The following PIH1D1 variants were observed in gnomAD, a reference collection of about 807,000 sequenced individuals.
The protein encoded by PIH1D1 is PIH1 domain containing 1.
In PIH1D1, 28 loss-of-function variants were observed where a neutral mutation model predicts 38.5. The observed-to-expected ratio is 0.73, with a 90% CI of 0.54 to 1.00. The LOEUF (loss-of-function observed/expected upper bound fraction) is 1.00, where lower values mean the gene tolerates loss of function less well. Ranked by LOEUF, PIH1D1 falls within the 50% of genes least tolerant of loss-of-function variation. The pLI, the probability that PIH1D1 is intolerant of heterozygous loss-of-function variation, is 0.00. For missense variants in PIH1D1, 343 were observed against 369.9 expected, an observed-to-expected ratio of 0.93 and a Z score of 0.60; for synonymous variants, 155 against 153.5, an observed-to-expected ratio of 1.01 and a Z score of -0.07.
rs746652846 is a variant in PIH1D1, at chr19:49,448,043, G to C, written c.357C>G (p.Ala119=). The change falls in exon 4 of 9, where the codon GCC becomes GCG. Residue 119 remains alanine, a synonymous_variant. Transcript: ENST00000262265. ...ELDAKGQGCT[A]YDVAVNSDFY... is the part of the protein sequence containing the mutation. ...AGTCGCTGTTGACAGCTACGTCGTA[G>C]GCGGTACATCCCTGGCCTTCTGCGG... The C allele has an allele frequency of 1.9e-6, 3 of 1,614,116 alleles. No homozygotes were observed. Among genetic ancestry groups the C allele is most frequent in the African/African-American group, 2.7e-5 (2 of 74,936 alleles).
chr19:49,449,792 CTCTTTTTT>C (rs1295181312), intron 2 of PIH1D1, 138 bp from the exon 3 acceptor site: 19 of 549,674 alleles, frequency 3.5e-5, no homozygotes, highest in Non-Finnish European at 5.2e-5. Context: ...TCCCTCACTT[CTCTTTTTT>C]TTTTTTTTTT....
intron 7 of PIH1D1, 86 bp from the exon 8 acceptor site, chr19:49,446,780 C>G: frequency 7.2e-7 from 1 of 1,394,774 alleles, no homozygotes; most frequent in Non-Finnish European, 9.8e-7. Context: ...CGCTGGGAAA[C>G]TATATTTGAA....
At position 49,447,996 on chromosome 19, in the gene PIH1D1, C is replaced by T; in HGVS notation, c.399+5G>A. ...CCAGGCCTCAACCGCAGCCCCGCCC[C>T]CAACCTGCATCCTCCGGTAGAAGTC... On this transcript the variant is annotated splice_donor_5th_base_variant and intron_variant, in intron 4 of 8. Transcript: ENST00000262265. 1 of 1,614,202 alleles carries T rather than the reference C, an allele frequency of 6.2e-7. No homozygotes were observed. Among genetic ancestry groups the T allele is most frequent in the Non-Finnish European group, 8.5e-7 (1 of 1,180,022 alleles).
At chr19:49,446,902 C>T in intron 7 of PIH1D1, 122 bp downstream of exon 7, 1 of 1,106,990 alleles carries the variant, frequency 9.0e-7, no homozygotes, top group Non-Finnish European at 1.4e-6. Flanking sequence ...GCCTGTGGGC[C>T]TCCTGGCAGA....
chr19:49,450,893 A>AAT (rs1293370770), intron 1 of PIH1D1, 45 bp from the exon 2 acceptor site: 21 of 1,613,436 alleles, frequency 1.3e-5, no homozygotes, highest in Non-Finnish European at 1.8e-5. Flanking sequence ...CTGTGCCATC[A>AAT]GACCCCTCAT....
At position 49,447,331 on chromosome 19, in the gene PIH1D1, G is replaced by A. The variant is rs1396017913; in HGVS notation, c.611+7C>T. The A allele has an allele frequency of 6.2e-7, 1 of 1,613,900 alleles. No individual in the cohort carries two copies. The highest frequency in any genetic ancestry group is 8.5e-7 in the Non-Finnish European group (1 of 1,179,944). On this transcript the variant is annotated splice_region_variant and intron_variant, in intron 6 of 8. Transcript: ENST00000262265. ...AACATCAGACCGGGGATCTACCGAA[G>A]GCCCACCCTGACTCAGCTCTCCCGG...
chr19:49,451,484 C>G lies in PIH1D1; in HGVS notation c.90+1G>C, dbSNP rs1420749276. On this transcript the variant is annotated splice_donor_variant, in intron 1 of 8. Coordinates refer to ENST00000262265, the MANE Select transcript of PIH1D1 (RefSeq NM_017916.3). LOFTEE classifies it high-confidence loss of function. ...AGGATCCAGGGGTCCGGTCACTGCACCTGCAGCAGCAGCTCCTCAAATCGC... is the reference window on the plus strand; with the variant it reads ...AGGATCCAGGGGTCCGGTCACTGCAGCTGCAGCAGCAGCTCCTCAAATCGC... 1 of 1,613,778 alleles carries G rather than the reference C, an allele frequency of 6.2e-7. No homozygotes were observed. The highest frequency in any genetic ancestry group is 8.5e-7 in the Non-Finnish European group (1 of 1,179,964).
chr19:49,446,748 G>T, intron 7 of PIH1D1, 54 bp from the exon 8 acceptor site: 1 of 1,508,910 alleles, frequency 6.6e-7, no homozygotes, highest in Non-Finnish European at 8.9e-7. Context: ...TGATCACCTG[G>T]ACCAGGCATG....
chr19:49,447,166 TC>T, intron 6 of PIH1D1, 67 bp from the exon 7 acceptor site: 1 of 1,500,194 alleles, frequency 6.7e-7, no homozygotes, highest in South Asian at 1.2e-5. Flanking sequence ...CTGTCCCTTT[TC>T]TCCCTCCAAC....
intron 7 of PIH1D1, 105 bp downstream of exon 7, chr19:49,446,919 G>A (rs1255392065): frequency 1.2e-5 from 14 of 1,157,154 alleles, no homozygotes; most frequent in Admixed American, 1.9e-5. Context: ...CAGAGAGGAC[G>A]CAACTGACAA....
chr19:49,451,440 CA>C, intron 1 of PIH1D1, 44 bp downstream of exon 1: 1 of 1,612,272 alleles, frequency 6.2e-7, no homozygotes. Context: ...AGCACCCCGC[CA>C]AAATCCCCGA....
chr19:49,447,488 C>T, intron 5 of PIH1D1, 21 bp from the exon 6 acceptor site: 1 of 1,604,780 alleles, frequency 6.2e-7, no homozygotes, highest in Non-Finnish European at 8.5e-7. Context: ...GGAGCGCCGT[C>T]AAACATCGTA....
chr19:49,450,690 CCTAG>C, intron 2 of PIH1D1, 88 bp downstream of exon 2: 1 of 690,734 alleles, frequency 1.4e-6, no homozygotes, highest in Non-Finnish European at 2.3e-6. Context: ...CCACCCCCAC[CCTAG>C]GCCTTTATTT....
In PIH1D1 at chr19:49,451,604, G is replaced by A; in HGVS notation, c.-30C>T. On this transcript the variant is annotated 5_prime_UTR_variant, in exon 1 of 9. Transcript: ENST00000262265. The stretch of plus-strand genomic sequence containing the variant: ...CTGGGAAAGAGATCTAGGCGTCCTC[G>A]AGACCCTCAACGTGGGAAACTTTGC... 2 of 1,609,902 alleles carry A rather than the reference G, an allele frequency of 1.2e-6. No homozygotes were observed. The highest frequency in any genetic ancestry group is 1.7e-6 in the Non-Finnish European group (2 of 1,179,492).
chr19:49,450,786 C>A lies in PIH1D1; in HGVS notation c.153G>T (p.Gln51His). The change falls in exon 2 of 9, where the codon CAG (glutamine) becomes CAT (histidine). Residue 51 changes from glutamine to histidine, a missense_variant. Coordinates refer to ENST00000262265, the MANE Select transcript of PIH1D1 (RefSeq NM_017916.3). ...CTCTCCGGTGTCCTTTCTCACCAGG[C>A]TGAGGCTGGATTTGTGTCGATTCTG... ...TRPESTQIQP[Q>H]PGFCIKTNSS... 6.2e-7 allele frequency: 1 copy of A among 1,612,144 alleles called. No homozygotes were observed. The highest frequency in any genetic ancestry group is 8.5e-7 in the Non-Finnish European group (1 of 1,179,560).
In PIH1D1 at chr19:49,446,598, G is replaced by T; in HGVS notation, c.784C>A (p.Gln262Lys). ...LYHLDAYIPL[Q>K]INSHESKAAF... ...GCCTTGCTCTCATGAGAGTTGATCT[G>T]CAGCGGGATATAAGCGTCTAGATGA... is the stretch of plus-strand genomic sequence containing the variant. The change falls in exon 8 of 9, where the codon CAG becomes AAG. Residue 262 changes from glutamine (Q) to lysine (K), a missense_variant. Physicochemically the swap from Gln to Lys is moderately conservative, Grantham distance 53. Coordinates refer to ENST00000262265, the MANE Select transcript of PIH1D1 (RefSeq NM_017916.3). 1 of 1,613,970 alleles carries T rather than the reference G, an allele frequency of 6.2e-7. No individual in the cohort carries two copies. Among genetic ancestry groups the T allele is most frequent in the East Asian group, 2.2e-5 (1 of 44,860 alleles).
intron 3 of PIH1D1, chr19:49,448,894 TGAAA>T (rs2079040795): frequency 4.7e-6 from 1 of 211,234 alleles, no homozygotes. Flanking sequence ...GAAAACAGGA[TGAAA>T]GAGAGAGCCG....
At chr19:49,450,991 A>G in intron 1 of PIH1D1, 143 bp from the exon 2 acceptor site, 10 of 1,486,848 alleles carry the variant, frequency 6.7e-6, no homozygotes, top group Non-Finnish European at 9.1e-6. Flanking sequence ...CTCCTTTGAG[A>G]ACTAGAAGAA....
rs1173801584 is a variant in PIH1D1, at chr19:49,447,848, A to G, written c.460T>C (p.Tyr154His). 6.2e-7 allele frequency: 1 copy of G among 1,613,990 alleles called. No homozygotes were observed. Among genetic ancestry groups the G allele is most frequent in the Non-Finnish European group, 8.5e-7 (1 of 1,179,958 alleles). ...TCACCCGGATTCAGCTGCAAGTTGTATTTGTCCTCAAGGCCCTCCCTGGCG... is the reference window on the plus strand; with the variant it reads ...TCACCCGGATTCAGCTGCAAGTTGTGTTTGTCCTCAAGGCCCTCCCTGGCG... ...TIAREGLEDK[Y>H]NLQLNPEWRM... The change falls in exon 5 of 9, where the codon TAC becomes CAC. Residue 154 changes from tyrosine to histidine, a missense_variant. By Grantham distance (83) the Tyr-to-His change is moderately conservative (BLOSUM62 2). Transcript: ENST00000262265.
Sources: allele counts gnomAD v4.1 joint callset, GRCh38; gene constraint gnomAD v4.1.1; transcripts MANE v1.5; gene names NCBI Gene and HGNC (gene_info 2026-07-23, HGNC 2026-07-21).